Variants in PRDM16 observed in about 807,000 individuals in gnomAD.
The protein encoded by PRDM16 is PR/SET domain 16, also known as histone-lysine N-methyltransferase PRDM16.
A neutral mutation model predicts 110.6 loss-of-function variants in PRDM16; 23 were observed. The observed-to-expected ratio is 0.21, with a 90% confidence interval of 0.15 to 0.29. The LOEUF is 0.29. PRDM16 is among the 10% of genes least tolerant of loss of function. PRDM16 has a pLI of 1.00. For synonymous variants in PRDM16, 799 were observed against 781.8 expected, an observed-to-expected ratio of 1.02 and a Z score of -0.37; for missense variants, 1,615 against 1,794.3, an observed-to-expected ratio of 0.90 and a Z score of 1.81.
At position 3,435,833 on chromosome 1, in the gene PRDM16, C is replaced by G. The variant is rs1053866055; in HGVS notation, c.*2022C>G. On this transcript the variant is annotated 3_prime_UTR_variant, in exon 17 of 17. Transcript: ENST00000270722. The stretch of plus-strand genomic sequence containing the variant: ...GCCACGGGGAGGCTCCTGCAGGAGG[C>G]TCAACCCGACGGATCACAGTGAAAG... The G allele has an allele frequency of 8.6e-6, 2 of 232,144 alleles. No individual in the cohort carries two copies. The highest frequency in any genetic ancestry group is 2.2e-5 in the African/African-American group (1 of 45,266). 14.4% of individuals were successfully genotyped at this position (232,144 alleles called of 1,614,324 possible). A position where few individuals can be genotyped will look rare whatever the true frequency, so the allele number is the denominator to read the frequency against.
rs77856461 is a variant in PRDM16 at position 3,438,334 on chromosome 1, G to T, written c.*4523G>T. The stretch of plus-strand genomic sequence containing the variant: ...ACTAGGAGTCCTGAACTGCTGACGC[G>T]AAAGAGGCGCAGTTCCCAATTAATA... On this transcript the variant is annotated 3_prime_UTR_variant, in exon 17 of 17. Transcript: ENST00000270722. 5.9e-5 allele frequency: 12 copies of T among 202,076 alleles called. No homozygotes were observed. The highest frequency in any genetic ancestry group is 9.2e-5 in the Non-Finnish European group (9 of 98,270). 12.5% of individuals were successfully genotyped at this position (202,076 alleles called of 1,614,324 possible).
In PRDM16 at chr1:3,396,481, T is replaced by G. The variant is rs1478433075; in HGVS notation, c.574-10T>G. 1.5e-5 allele frequency: 23 copies of G among 1,493,502 alleles called. No individual in the cohort carries two copies. The highest frequency in any genetic ancestry group is 2.8e-6 in the Non-Finnish European group (3 of 1,082,208). 92.5% of individuals were successfully genotyped at this position (1,493,502 alleles called of 1,614,324 possible). ...ACACTCACCCTTTCTCTCTGGTCTC[T>G]CCATCCTAGATTTACTATAAAGTCA... On this transcript the variant is annotated splice_polypyrimidine_tract_variant and intron_variant, in intron 4 of 16. Coordinates refer to ENST00000270722, the MANE Select transcript of PRDM16 (RefSeq NM_022114.4).
chr1:3,248,579 G>A lies in PRDM16; in HGVS notation c.438+4442G>A, dbSNP rs1317470701. On this transcript the variant is annotated intron_variant, in intron 3 of 16. Coordinates refer to ENST00000270722, the MANE Select transcript of PRDM16 (RefSeq NM_022114.4). ...CTAGGGCGAGGGGCGGGAGTGCAGAGGCTTAGAGGAGGGTCAAAAATAAAT... is the reference window on the plus strand; with the variant it reads ...CTAGGGCGAGGGGCGGGAGTGCAGAAGCTTAGAGGAGGGTCAAAAATAAAT... 2.6e-5 allele frequency among the ~76,000 whole-genome samples: 4 copies of A among 152,312 alleles called. No individual in the cohort carries two copies. In the East Asian group the frequency reaches 7.7e-4, roughly 29 times the overall value.
At chr1:3,163,943 C>T (rs143946966) in intron 1 of PRDM16, among the ~76,000 whole-genome samples, 4 of 152,316 alleles carry the variant, frequency 2.6e-5, no homozygotes, top group Non-Finnish European at 5.9e-5. Flanking sequence ...ACTTCATCTC[C>T]CATGGCCCCC....
chr1:3,089,905 C>A (rs1244516162), intron 1 of PRDM16, among the ~76,000 whole-genome samples: 1 of 146,042 alleles, frequency 6.8e-6, no homozygotes, highest in Non-Finnish European at 1.5e-5. Context: ...GACCCAGCGT[C>A]TAAAATCCAC....
intron 2 of PRDM16, among the ~76,000 whole-genome samples, chr1:3,225,573 T>TGTGTGTGTGTGTGCGCGCGCGCGC (rs1336272072): frequency 8.5e-5 from 11 of 129,904 alleles, no homozygotes; most frequent in African/African-American, 2.9e-4. Context: ...TGTGTGTGTG[T>TGTGTGTGTGTGTGCGCGCGCGCGC]GCGCGCGCGC....
intron 4 of PRDM16, among the ~76,000 whole-genome samples, chr1:3,388,558 A>T (rs1457661757): frequency 6.6e-6 from 1 of 152,220 alleles, no homozygotes; most frequent in Non-Finnish European, 1.5e-5. Flanking sequence ...AAACGTCCTA[A>T]AAAGAAAGTT....
intron 3 of PRDM16, among the ~76,000 whole-genome samples, chr1:3,381,404 T>G (rs982895767): frequency 2.0e-5 from 3 of 149,892 alleles, no homozygotes; most frequent in Middle Eastern, 3.2e-3. Flanking sequence ...TTTCTGGTTT[T>G]TTTTTTTTTT....
intron 1 of PRDM16, among the ~76,000 whole-genome samples, chr1:3,072,456 C>T (rs1283594448): frequency 6.6e-6 from 1 of 152,192 alleles, no homozygotes; most frequent in Non-Finnish European, 1.5e-5. Context: ...CTCCACAAGT[C>T]CCATCTAGCC....
rs536637880 is a variant in PRDM16, at chr1:3,358,109, G to A, written c.439-27043G>A. On this transcript the variant is annotated intron_variant, in intron 3 of 16. Transcript: ENST00000270722. This position sits in a 1 kb window ranked among gnomAD's most constrained non-coding sequence, Gnocchi z 4.0. ...CTGGCCTCACGCGTGGGTCCATCCC[G>A]GAACCACACAGTGGGCCTGGCCATG... is the stretch of plus-strand genomic sequence containing the variant. 3.3e-5 allele frequency among the ~76,000 whole-genome samples: 5 copies of A among 152,330 alleles called. No homozygotes were observed. Among genetic ancestry groups the A allele is most frequent in the Admixed American group, 1.3e-4 (2 of 15,308 alleles).
intron 3 of PRDM16, among the ~76,000 whole-genome samples, chr1:3,335,244 A>C (rs1642120012): frequency 6.6e-6 from 1 of 152,170 alleles, no homozygotes; most frequent in South Asian, 2.1e-4. Context: ...CTGGGTGCAA[A>C]GGGAAGCCAG....
intron 4 of PRDM16, among the ~76,000 whole-genome samples, chr1:3,385,912 A>C (rs1375300669): frequency 6.6e-6 from 1 of 152,110 alleles, no homozygotes; most frequent in African/African-American, 2.4e-5. Flanking sequence ...CTTGACCTCC[A>C]CGGCTGGTCC....
intron 2 of PRDM16, among the ~76,000 whole-genome samples, chr1:3,220,146 C>T (rs1366797380): frequency 3.9e-5 from 6 of 152,188 alleles, no homozygotes; most frequent in Non-Finnish European, 5.9e-5. Flanking sequence ...CCACACGCGC[C>T]GGGAGGAATG....
intron 1 of PRDM16, among the ~76,000 whole-genome samples, chr1:3,144,042 TTCTTTGATTTCCTC>T (rs999522758): frequency 6.6e-6 from 1 of 152,198 alleles, no homozygotes; most frequent in Non-Finnish European, 1.5e-5. Context: ...CCCACTTCAT[TTCTTTGATTTCCTC>T]TCTGGCCCCC....
intron 1 of PRDM16, among the ~76,000 whole-genome samples, chr1:3,099,737 C>T (rs1386723094): frequency 6.6e-6 from 1 of 152,216 alleles, no homozygotes; most frequent in Non-Finnish European, 1.5e-5. Context: ...GCCGCCATGG[C>T]AGGTATGTTG....
chr1:3,181,940 T>G (rs1413422286), intron 1 of PRDM16, among the ~76,000 whole-genome samples: 4 of 151,816 alleles, frequency 2.6e-5, no homozygotes, highest in Admixed American at 1.3e-4. Flanking sequence ...TTACACATGC[T>G]TACACACACA....
rs1055263208 is a variant in PRDM16, at chr1:3,244,888, C to T, written c.438+751C>T. On this transcript the variant is annotated intron_variant, in intron 3 of 16. Transcript: ENST00000270722. This position sits in a 1 kb window ranked among gnomAD's most constrained non-coding sequence, Gnocchi z 4.1. Reference sequence around the variant, plus strand: ...ACGGGATATGCATTGCCTGCACGCACACACAGACGTCCACAGACACAGCAC... The same window carrying T: ...ACGGGATATGCATTGCCTGCACGCATACACAGACGTCCACAGACACAGCAC... 3.9e-5 allele frequency among the ~76,000 whole-genome samples: 6 copies of T among 152,226 alleles called. No individual in the cohort carries two copies. Among genetic ancestry groups the T allele is most frequent in the Non-Finnish European group, 5.9e-5 (4 of 68,054 alleles).
intron 14 of PRDM16, 58 bp downstream of exon 14, chr1:3,426,283 C>T (rs1232846347): frequency 6.7e-7 from 1 of 1,492,978 alleles, no homozygotes; most frequent in Non-Finnish European, 9.2e-7. Context: ...CCCTGCGTGG[C>T]CACCCTCAGA....
At chr1:3,384,926 T>A (rs1351043345) in intron 3 of PRDM16, among the ~76,000 whole-genome samples, 1 of 152,142 alleles carries the variant, frequency 6.6e-6, no homozygotes, top group African/African-American at 2.4e-5. Context: ...AAAAGGCCAT[T>A]CCCTGCCTTT....
Sources: gnomAD v4.1 joint callset for allele counts (sites outside exome capture counted in the v4.1 genomes callset) on GRCh38, gnomAD v4.1.1 for gene constraint, Gnocchi (gnomAD v3.1) non-coding constraint, MANE v1.5 for transcripts, NCBI Gene and HGNC (gene_info 2026-07-23, HGNC 2026-07-21) for gene names.